Variants in XKR5 observed in about 807,000 individuals in gnomAD.
XKR5 encodes the protein XK-related protein 5.
XKR5 carries 46 observed loss-of-function variants against 40.8 expected under a neutral mutation model. The observed-to-expected ratio is 1.13, with a 90% CI of 0.89 to 1.44. The LOEUF (loss-of-function observed/expected upper bound fraction) is 1.44, where lower values mean the gene tolerates loss of function less well. XKR5 is among the 40% of genes most tolerant of loss of function. The pLI is 0.00. For missense variants in XKR5, 1,169 were observed against 844.7 expected (o/e 1.38, Z -4.76); for synonymous variants, 466 against 356.1 (o/e 1.31, Z -3.48).
intron 4 of XKR5, among the ~76,000 whole-genome samples, chr8:6,822,680 A>G (rs1469841263): frequency 6.6e-6 from 1 of 152,228 alleles, no homozygotes; most frequent in Admixed American, 6.5e-5. Flanking sequence ...CTTCTTGCAG[A>G]GTATATTCAC....
intron 5 of XKR5, among the ~76,000 whole-genome samples, chr8:6,816,642 T>C (rs942786566): frequency 1.6e-4 from 23 of 148,228 alleles, no homozygotes; most frequent in African/African-American, 4.2e-4. Context: ...ATATTTAATA[T>C]ATATTTTAAT....
rs1224828317 is a variant in XKR5 at position 6,811,946 on chromosome 8, A to C, written c.1313T>G (p.Leu438Trp). The C allele has an allele frequency of 6.5e-7, 1 of 1,537,352 alleles. No homozygotes were observed. Among genetic ancestry groups the C allele is most frequent in the Admixed American group, 2.0e-5 (1 of 51,008 alleles). The change falls in exon 7 of 7, where the codon TTG becomes TGG. Residue 438 changes from leucine (L) to tryptophan (W), a missense_variant. Leu to Trp is a moderately conservative substitution (Grantham distance 61). Transcript: ENST00000618742. ...SPAYCPPAWG[L>W]SQQDYLQRKA... ...TCTCTGCAGGTAGTCCTGTTGACTC[A>C]ACCCCCATGCAGGTGGACAATAGGC... is the stretch of plus-strand genomic sequence containing the variant.
intron 1 of XKR5, among the ~76,000 whole-genome samples, chr8:6,834,076 C>G (rs2978899): frequency 0.38 from 57,189 of 151,996 alleles, 12,462 homozygotes; most frequent in Middle Eastern, 0.55. Flanking sequence ...CCTACTTTCA[C>G]ATGGGGAACT....
At position 6,810,978 on chromosome 8, in the gene XKR5, TAG is replaced by T; in HGVS notation, c.*218_*219del. 2 of 485,688 alleles carry T rather than the reference TAG, an allele frequency of 4.1e-6. No individual in the cohort carries two copies. The highest frequency in any genetic ancestry group is 7.2e-6 in the Non-Finnish European group (2 of 276,368). The allele number at this position is 485,688 out of a possible 1,614,324, so 30.1% of individuals were successfully genotyped here. A position where few individuals can be genotyped will look rare whatever the true frequency, so the allele number is the denominator to read the frequency against. On this transcript the variant is annotated 3_prime_UTR_variant, in exon 7 of 7. Transcript: ENST00000618742. ...CTCTTTCTCCTCCTCTAAAGTATGT[TAG>T]AGTCTCTCCTATGCATGGGTGGGGT...
At position 6,812,088 on chromosome 8, in the gene XKR5, T is replaced by A; in HGVS notation, c.1171A>T (p.Thr391Ser). ...EQVPPEAGLG[T>S]QVAVEDSFLS... ...AAAGAGTCCTCCACAGCAACCTGGG[T>A]CCCCAGCCCAGCCTCTGGGGGGACC... Residue 391 changes from threonine (T) to serine (S), a missense_variant, in exon 7 of 7, where the codon ACC becomes TCC. Thr to Ser is a moderately conservative substitution (Grantham distance 58). Coordinates refer to ENST00000618742, the MANE Select transcript of XKR5 (RefSeq NM_207411.5). 1 of 1,543,236 alleles carries A rather than the reference T, an allele frequency of 6.5e-7. No homozygotes were observed. Among genetic ancestry groups the A allele is most frequent in the Non-Finnish European group, 8.7e-7 (1 of 1,146,946 alleles).
At chr8:6,817,521 G>C (rs1804017881) in intron 5 of XKR5, among the ~76,000 whole-genome samples, 1 of 151,878 alleles carries the variant, frequency 6.6e-6, no homozygotes, top group South Asian at 2.1e-4. Flanking sequence ...CGAGAGACTT[G>C]AACAAACACT....
Position 6,815,910 on chromosome 8 carries a change from C to G in XKR5, c.816G>C (p.Leu272=). 1 of 1,599,188 alleles carries G rather than the reference C, an allele frequency of 6.3e-7. No individual in the cohort carries two copies. The highest frequency in any genetic ancestry group is 8.5e-7 in the Non-Finnish European group (1 of 1,172,794). Residue 272 remains leucine (L), a synonymous_variant, in exon 6 of 7, where the codon CTG becomes CTC. Transcript: ENST00000618742. The stretch of plus-strand genomic sequence containing the variant: ...ACAGCAACAGGATGATGTTCTCCAA[C>G]AGCATGACCTGCGGGACCCAGGACA... ...NRMVTFYMVM[L]LENIILLLLA...
intron 5 of XKR5, among the ~76,000 whole-genome samples, chr8:6,821,322 AT>A (rs1038057823): frequency 1.3e-5 from 2 of 152,066 alleles, no homozygotes; most frequent in African/African-American, 2.4e-5. Context: ...AGTCCCAGAC[AT>A]TTTTTTCTCT....
At position 6,811,510 on chromosome 8, in the gene XKR5, G is replaced by A. The variant is rs967836810; in HGVS notation, c.1749C>T (p.Pro583=). Residue 583 remains proline (P), a synonymous_variant, in exon 7 of 7, where the codon CCC becomes CCT. Transcript: ENST00000618742. Reference sequence around the variant, plus strand: ...GGAAGGGCGCCAAGCCCACTGGGTGGGGCGATGCAGGCTGGGCAGGGCTGC... The same window carrying A: ...GGAAGGGCGCCAAGCCCACTGGGTGAGGCGATGCAGGCTGGGCAGGGCTGC... ...GKSSPAQPAS[P]HPVGLAPFPD... is the part of the protein sequence containing the mutation. 1.3e-6 allele frequency: 2 copies of A among 1,529,908 alleles called. No homozygotes were observed. The highest frequency in any genetic ancestry group is 1.8e-6 in the Non-Finnish European group (2 of 1,142,704). 94.8% of individuals were successfully genotyped at this position (1,529,908 alleles called of 1,614,324 possible). A position where few individuals can be genotyped will look rare whatever the true frequency, so the allele number is the denominator to read the frequency against.
chr8:6,834,557 G>A (rs1479766963), intron 1 of XKR5, among the ~76,000 whole-genome samples: 2 of 152,376 alleles, frequency 1.3e-5, no homozygotes, highest in Non-Finnish European at 2.9e-5. Context: ...CGGAGCCAGG[G>A]CGCTTGCGCG....
chr8:6,812,105 G>T lies in XKR5; in HGVS notation c.1154C>A (p.Pro385Gln), dbSNP rs1437239838. Residue 385 changes from proline (P) to glutamine (Q), a missense_variant, in exon 7 of 7, where the codon CCA (proline) becomes CAA (glutamine). Coordinates refer to ENST00000618742, the MANE Select transcript of XKR5 (RefSeq NM_207411.5). ...GKPPTPEQVP[P>Q]EAGLGTQVAV... ...AACCTGGGTCCCCAGCCCAGCCTCT[G>T]GGGGGACCTGCTCAGGGGTAGGGGG... is the stretch of plus-strand genomic sequence containing the variant. 2 of 1,545,830 alleles carry T rather than the reference G, an allele frequency of 1.3e-6. No homozygotes were observed. Among genetic ancestry groups the T allele is most frequent in the Non-Finnish European group, 1.7e-6 (2 of 1,146,970 alleles).
At chr8:6,822,613 C>G (rs1239397699) in intron 4 of XKR5, among the ~76,000 whole-genome samples, 1 of 152,126 alleles carries the variant, frequency 6.6e-6, no homozygotes, top group African/African-American at 2.4e-5. Context: ...GCTCTAGGCC[C>G]AAGGGGCAAA....
rs1051824701 is a variant in XKR5 at position 6,810,325 on chromosome 8, C to T, written c.*873G>A. On this transcript the variant is annotated 3_prime_UTR_variant, in exon 7 of 7. Coordinates refer to ENST00000618742, the MANE Select transcript of XKR5 (RefSeq NM_207411.5). ...AGAAGGAGAGTGCGAGAGGAATGGA[C>T]GTTTCCTCCCTTCTTTTTGGATGGG... 3.3e-5 allele frequency: 5 copies of T among 152,246 alleles called. No homozygotes were observed. Among genetic ancestry groups the T allele is most frequent in the East Asian group, 1.9e-4 (1 of 5,202 alleles). The allele number at this position is 152,246 out of a possible 1,614,324, so 9.4% of individuals were successfully genotyped here. A position where few individuals can be genotyped will look rare whatever the true frequency, so the allele number is the denominator to read the frequency against.
At chr8:6,815,760 A>T in intron 6 of XKR5, 47 bp downstream of exon 6, 1 of 1,350,198 alleles carries the variant, frequency 7.4e-7, no homozygotes, top group Non-Finnish European at 1.0e-6. Flanking sequence ...AAAAAAAAAA[A>T]TACGTTGGGG....
At chr8:6,826,989 C>T (rs879526166) in intron 2 of XKR5, among the ~76,000 whole-genome samples, 7 of 152,188 alleles carry the variant, frequency 4.6e-5, no homozygotes, top group Non-Finnish European at 8.8e-5. Flanking sequence ...GTCCTTGCTT[C>T]AGTCTGTTTC....
chr8:6,826,477 G>A (rs1213444160), intron 2 of XKR5, among the ~76,000 whole-genome samples: 2 of 152,150 alleles, frequency 1.3e-5, no homozygotes, highest in Non-Finnish European at 2.9e-5. Context: ...AGGAAATAGT[G>A]GAGTTGGAGA....
chr8:6,812,159 G>A lies in XKR5; in HGVS notation c.1100C>T (p.Ala367Val), dbSNP rs757950520. The A allele has an allele frequency of 1.9e-6, 3 of 1,551,554 alleles. No individual in the cohort carries two copies. The South Asian group carries it at 3.6e-5, about 18-fold the overall frequency. Residue 367 changes from alanine to valine, a missense_variant, in exon 7 of 7, where the codon GCA becomes GTA. By Grantham distance (64) the Ala-to-Val change is moderately conservative. Coordinates refer to ENST00000618742, the MANE Select transcript of XKR5 (RefSeq NM_207411.5). ...CCCTAAAATGGTTGGTTCATAACTT[G>A]CCCCTTGGCATGAGCCTGAGCTCTC... Reference protein sequence around the residue: ...RTESSGSCQGASYEPTILGKP... With the variant: ...RTESSGSCQGVSYEPTILGKP...
In XKR5 at chr8:6,811,707, C is replaced by G; in HGVS notation, c.1552G>C (p.Ala518Pro). Reference sequence around the variant, plus strand: ...CCCTTCCCCTGTGTCCCAGAAACAGCGTCAGCTCCTTCCTTTGGGGTGCCC... The same window carrying G: ...CCCTTCCCCTGTGTCCCAGAAACAGGGTCAGCTCCTTCCTTTGGGGTGCCC... ...GEGTPKEGAD[A>P]VSGTQGKGTG... Residue 518 changes from alanine to proline, a missense_variant, in exon 7 of 7, where the codon GCT (alanine) becomes CCT (proline). Ala to Pro is a conservative substitution (Grantham distance 27). Transcript: ENST00000618742. 6.5e-7 allele frequency: 1 copy of G among 1,537,658 alleles called. No individual in the cohort carries two copies. The highest frequency in any genetic ancestry group is 8.7e-7 in the Non-Finnish European group (1 of 1,146,998).
chr8:6,822,174 A>G (rs1804271224), intron 4 of XKR5, 136 bp from the exon 5 acceptor site: 1 of 838,972 alleles, frequency 1.2e-6, no homozygotes, highest in Non-Finnish European at 1.8e-6. Context: ...CAAAACCCAG[A>G]AGAGATTTGA....
Sources: allele counts gnomAD v4.1 joint callset (sites outside exome capture counted in the v4.1 genomes callset), GRCh38; gene constraint gnomAD v4.1.1; transcripts MANE v1.5; gene names NCBI Gene and HGNC (gene_info 2026-07-23, HGNC 2026-07-21).